The following DLGAP2 variants were observed in gnomAD, a reference collection of about 807,000 sequenced individuals.
The protein encoded by DLGAP2 is DLG associated protein 2.
DLGAP2 carries 26 observed loss-of-function variants against 100.3 expected under a neutral mutation model. That is an observed-to-expected ratio of 0.26 (90% CI 0.19 to 0.36). DLGAP2 has a LOEUF of 0.36. DLGAP2 is among the 10% of genes least tolerant of loss of function. DLGAP2 has a pLI of 1.00. For synonymous variants in DLGAP2, 886 were observed against 630.1 expected, an observed-to-expected ratio of 1.41 and a Z score of -6.08; for missense variants, 1,858 against 1,453.2, an observed-to-expected ratio of 1.28 and a Z score of -4.53.
chr8:1,443,933 A>G (rs1797910242), intron 3 of DLGAP2, among the ~76,000 whole-genome samples: 1 of 152,216 alleles, frequency 6.6e-6, no homozygotes, highest in Non-Finnish European at 1.5e-5. Context: ...ATTAAAAGCA[A>G]TAACTTTAGC....
At chr8:1,343,188 G>A (rs961230255) in intron 3 of DLGAP2, among the ~76,000 whole-genome samples, 2 of 152,216 alleles carry the variant, frequency 1.3e-5, no homozygotes, top group Admixed American at 6.5e-5. Flanking sequence ...AAAGCAGTGT[G>A]CATGGTTATG....
intron 2 of DLGAP2, among the ~76,000 whole-genome samples, chr8:1,138,132 C>T (rs1275429180): frequency 6.6e-6 from 1 of 152,208 alleles, no homozygotes; most frequent in Non-Finnish European, 1.5e-5. Context: ...GCAGAGCGAG[C>T]CTGAGAATGG....
intron 2 of DLGAP2, among the ~76,000 whole-genome samples, chr8:1,179,655 A>T (rs17815675): frequency 0.035 from 5,362 of 152,326 alleles, 127 homozygotes; most frequent in East Asian, 0.15. Flanking sequence ...GTGTATTGCA[A>T]TCCTAATTTG....
At chr8:1,231,051 T>C (rs537583853) in intron 2 of DLGAP2, among the ~76,000 whole-genome samples, 24 of 152,322 alleles carry the variant, frequency 1.6e-4, no homozygotes, top group African/African-American at 5.3e-4. Context: ...CAAGAGAAAC[T>C]ATCAACAGAG....
At chr8:1,272,202 C>A (rs1300427619) in intron 3 of DLGAP2, among the ~76,000 whole-genome samples, 1 of 152,182 alleles carries the variant, frequency 6.6e-6, no homozygotes, top group Non-Finnish European at 1.5e-5. Flanking sequence ...AGGATACCCT[C>A]ATTTTAGGTA....
intron 1 of DLGAP2, among the ~76,000 whole-genome samples, chr8:865,430 C>G (rs1797475931): frequency 6.6e-6 from 1 of 152,184 alleles, no homozygotes; most frequent in Non-Finnish European, 1.5e-5. Context: ...TTTGCGGCGT[C>G]AGGTCTACTT....
intron 12 of DLGAP2, among the ~76,000 whole-genome samples, chr8:1,689,754 G>C (rs1024766373): frequency 6.6e-6 from 1 of 152,174 alleles, no homozygotes; most frequent in Non-Finnish European, 1.5e-5. Context: ...AGCCAGTGAT[G>C]GGGAGACGTG....
intron 6 of DLGAP2, among the ~76,000 whole-genome samples, chr8:1,602,443 A>T (rs1189697717): frequency 1.3e-5 from 2 of 152,250 alleles, no homozygotes; most frequent in African/African-American, 2.4e-5. Context: ...TGAAAGGCCT[A>T]TTCCACACAG....
intron 11 of DLGAP2, 22 bp downstream of exon 11, chr8:1,676,640 C>A (rs759889581): frequency 1.2e-6 from 2 of 1,602,554 alleles, no homozygotes; most frequent in Non-Finnish European, 1.7e-6. Context: ...CCTCCTGACA[C>A]GCGGTGACCC....
At chr8:837,236 G>T (rs932248297) in intron 1 of DLGAP2, among the ~76,000 whole-genome samples, 1 of 152,174 alleles carries the variant, frequency 6.6e-6, no homozygotes, top group Non-Finnish European at 1.5e-5. Flanking sequence ...GCATGAGCTC[G>T]GCCTGGTGTT....
intron 2 of DLGAP2, among the ~76,000 whole-genome samples, chr8:979,322 A>T (rs994408192): frequency 6.6e-6 from 1 of 152,254 alleles, no homozygotes; most frequent in African/African-American, 2.4e-5. Context: ...GCTAAGACTG[A>T]TGGGAATCTC....
chr8:864,855 A>C (rs1797465054), intron 1 of DLGAP2, among the ~76,000 whole-genome samples: 1 of 152,190 alleles, frequency 6.6e-6, no homozygotes, highest in African/African-American at 2.4e-5. Flanking sequence ...TATATTGGTC[A>C]GTGTTCTCGT....
intron 4 of DLGAP2, among the ~76,000 whole-genome samples, chr8:1,539,662 A>C (rs1801290520): frequency 6.6e-6 from 1 of 151,220 alleles, no homozygotes; most frequent in Non-Finnish European, 1.5e-5. Context: ...TGAAGGGGCC[A>C]CCTTCTCCCT....
intron 8 of DLGAP2, among the ~76,000 whole-genome samples, chr8:1,656,242 G>A (rs190740441): frequency 6.6e-5 from 10 of 152,162 alleles, no homozygotes; most frequent in Admixed American, 3.3e-4. Context: ...CCCGGGAGGC[G>A]GAGATTGCAG....
Position 1,601,629 on chromosome 8 carries a change from G to C in DLGAP2, c.1443-25111G>C, listed in dbSNP as rs1029214112. On this transcript the variant is annotated intron_variant, in intron 6 of 14. Transcript: ENST00000637795. ...ATCAGACCGAGTCCCTGAAAACTCC[G>C]TGACAGATGTTTGTCACATTGAAAG... 2.0e-5 allele frequency among the ~76,000 whole-genome samples: 3 copies of C among 152,092 alleles called. No homozygotes were observed. The South Asian group carries it at 6.2e-4, about 32-fold the overall frequency.
chr8:1,101,915 C>T (rs1221307659), intron 2 of DLGAP2, among the ~76,000 whole-genome samples: 2 of 151,958 alleles, frequency 1.3e-5, no homozygotes, highest in African/African-American at 4.8e-5. Flanking sequence ...ATGGGAAGGT[C>T]CTTGTCACCA....
chr8:1,613,399 G>C (rs1294263043), intron 6 of DLGAP2, among the ~76,000 whole-genome samples: 1 of 151,952 alleles, frequency 6.6e-6, no homozygotes, highest in African/African-American at 2.4e-5. Context: ...TGGTGGGGTG[G>C]GGGGAGCGGG....
chr8:1,378,382 C>T (rs895189441), intron 3 of DLGAP2, among the ~76,000 whole-genome samples: 1 of 151,374 alleles, frequency 6.6e-6, no homozygotes. Flanking sequence ...CTGACCTCAC[C>T]TGTCCTTGCC....
At position 1,247,264 on chromosome 8, in the gene DLGAP2, TG is replaced by T. The variant is rs1418964168; in HGVS notation, c.74-11584del. 3.6e-3 allele frequency among the ~76,000 whole-genome samples: 387 copies of T among 107,356 alleles called. 17 individuals are homozygous for T. Among genetic ancestry groups the T allele is most frequent in the Non-Finnish European group, 4.4e-3 (241 of 54,818 alleles). The allele number at this position is 107,356 out of a possible 152,430, so 70.4% of individuals were successfully genotyped here. On this transcript the variant is annotated intron_variant, in intron 2 of 14. Coordinates refer to ENST00000637795, the MANE Select transcript of DLGAP2 (RefSeq NM_001346810.2). ...GCCGGGAAGACCTTTGAGATCAGTG[TG>T]GGAGTGAGATGGTCCACATCGGTGG...
Sources: allele counts gnomAD v4.1 joint callset (sites outside exome capture counted in the v4.1 genomes callset), GRCh38; gene constraint gnomAD v4.1.1; transcripts MANE v1.5; gene names NCBI Gene and HGNC (gene_info 2026-07-23, HGNC 2026-07-21).